Variants in PCDHA4 observed in about 807,000 individuals in gnomAD.
The protein encoded by PCDHA4 is protocadherin alpha-4.
A neutral mutation model predicts 61.4 loss-of-function variants in PCDHA4; 49 were observed. That is an observed-to-expected ratio of 0.80 (90% CI 0.63 to 1.01). PCDHA4 has a LOEUF of 1.01. Among genes scored for constraint, PCDHA4 ranks in the 50% least tolerant of loss-of-function variants. PCDHA4 has a pLI of 0.00. For synonymous variants in PCDHA4, 590 were observed against 550.3 expected, an observed-to-expected ratio of 1.07 and a Z score of -1.01; for missense variants, 1,254 against 1,235.8, an observed-to-expected ratio of 1.01 and a Z score of -0.22.
chr5:140,921,706 T>C (rs2080341352), intron 1 of PCDHA4, among the ~76,000 whole-genome samples: 1 of 152,148 alleles, frequency 6.6e-6, no homozygotes, highest in Non-Finnish European at 1.5e-5. Flanking sequence ...TTTTAAACAG[T>C]AAACACACGA....
intron 1 of PCDHA4, chr5:140,830,257 G>C: frequency 6.2e-7 from 1 of 1,613,692 alleles, no homozygotes; most frequent in Non-Finnish European, 8.5e-7. Context: ...CAGCGCTGCG[G>C]TGCTCGGCGC....
At chr5:140,858,899 C>T (rs1236968449) in intron 1 of PCDHA4, 4 of 203,942 alleles carry the variant, frequency 2.0e-5, no homozygotes, top group Non-Finnish European at 3.0e-5. Flanking sequence ...ATATGTGTAG[C>T]GTACCACAGC....
chr5:141,002,261 C>A (rs373363788), intron 3 of PCDHA4, among the ~76,000 whole-genome samples: 1 of 152,224 alleles, frequency 6.6e-6, no homozygotes, highest in East Asian at 1.9e-4. Context: ...CACTGAAATC[C>A]CAGAGCTGGT....
chr5:140,882,853 A>G lies in PCDHA4; in HGVS notation c.2385+73281A>G, dbSNP rs782160647. On this transcript the variant is annotated intron_variant, in intron 1 of 3. Transcript: ENST00000530339. ...AGCAAATGTCTTCATTATCACTTGTACTGAGGAAAACACTGGACAGAGAGG... is the reference window on the plus strand; with the variant it reads ...AGCAAATGTCTTCATTATCACTTGTGCTGAGGAAAACACTGGACAGAGAGG... 1.9e-6 allele frequency: 3 copies of G among 1,614,218 alleles called. No individual in the cohort carries two copies. The Admixed American group carries it at 5.0e-5, about 27-fold the overall frequency.
In PCDHA4 at chr5:140,842,325, C is replaced by G. The variant is rs2150334161; in HGVS notation, c.2385+32753C>G. On this transcript the variant is annotated intron_variant, in intron 1 of 3. Coordinates refer to ENST00000530339, the MANE Select transcript of PCDHA4 (RefSeq NM_018907.4). ...CATCCTCCCATGGCGGGTCATTGCA[C>G]CGTTTTAGTGAGAATTTTGGATAAA... 1.9e-5 allele frequency: 31 copies of G among 1,606,978 alleles called. No individual in the cohort carries two copies. In the South Asian group the frequency reaches 3.1e-4, roughly 16 times the overall value.
chr5:140,884,265 T>A, intron 1 of PCDHA4: 1 of 1,613,432 alleles, frequency 6.2e-7, no homozygotes, highest in Middle Eastern at 1.6e-4. Context: ...GCAACGGTGC[T>A]GTTGTCGCTG....
intron 3 of PCDHA4, among the ~76,000 whole-genome samples, chr5:140,997,525 A>G (rs1293979369): frequency 6.6e-6 from 1 of 152,242 alleles, no homozygotes; most frequent in African/African-American, 2.4e-5. Flanking sequence ...AAAAAGTACA[A>G]TAAAAATACA....
At chr5:140,862,912 C>T (rs1554157229) in intron 1 of PCDHA4, 1 of 550,038 alleles carries the variant, frequency 1.8e-6, no homozygotes, top group Non-Finnish European at 3.5e-6. Flanking sequence ...GCTGCTGGCG[C>T]CTTGGGTGGG....
intron 1 of PCDHA4, among the ~76,000 whole-genome samples, chr5:140,965,140 TG>T (rs1191631396): frequency 2.0e-5 from 3 of 152,150 alleles, no homozygotes; most frequent in Non-Finnish European, 4.4e-5. Flanking sequence ...GACAGAATAC[TG>T]GGAGATGAAG....
intron 1 of PCDHA4, chr5:140,814,416 CT>C (rs1765510586): frequency 6.6e-6 from 1 of 150,478 alleles, no homozygotes; most frequent in Non-Finnish European, 1.5e-5. Context: ...TCCCAAAAGA[CT>C]TTCCTGAGGC....
rs2150235707 is a variant in PCDHA4 at position 140,835,435 on chromosome 5, C to T, written c.2385+25863C>T. 9.9e-6 allele frequency: 16 copies of T among 1,613,906 alleles called. 1 individual carries two copies. The highest frequency in any genetic ancestry group is 3.3e-5 in the Admixed American group (2 of 60,014). On this transcript the variant is annotated intron_variant, in intron 1 of 3. Coordinates refer to ENST00000530339, the MANE Select transcript of PCDHA4 (RefSeq NM_018907.4). ...GTAAATGACAATGCTCCACAGTTGA[C>T]TCTCACTTCCCTGTCTCTCCCTATT...
intron 1 of PCDHA4, chr5:140,856,511 G>A (rs1554148790): frequency 6.3e-7 from 1 of 1,598,478 alleles, no homozygotes; most frequent in Non-Finnish European, 8.6e-7. Context: ...TCCACTAGAA[G>A]GCGCATCTGA....
intron 1 of PCDHA4, chr5:140,812,147 T>TTTGTTGTTGTTGTTGTTGTTG (rs2126635624): frequency 1.4e-4 from 21 of 150,790 alleles, no homozygotes; most frequent in East Asian, 3.9e-4. Flanking sequence ...GTTTTGGGCT[T>TTTGTTGTTGTTGTTGTTGTTG]TTGTTGTTGT....
chr5:140,848,447 C>G, intron 1 of PCDHA4: 1 of 1,507,352 alleles, frequency 6.6e-7, no homozygotes, highest in East Asian at 2.3e-5. Flanking sequence ...ATGATTTCTT[C>G]TAATTTGGAG....
chr5:140,937,213 A>AT (rs1339770312), intron 1 of PCDHA4, among the ~76,000 whole-genome samples: 2 of 151,454 alleles, frequency 1.3e-5, no homozygotes, highest in Admixed American at 1.3e-4. Flanking sequence ...AATTTTTTGT[A>AT]TTTTTTGTAG....
intron 1 of PCDHA4, among the ~76,000 whole-genome samples, chr5:140,921,467 A>G (rs1287124986): frequency 1.3e-5 from 2 of 152,204 alleles, no homozygotes; most frequent in East Asian, 1.9e-4. Flanking sequence ...TGCAACCACT[A>G]CCAAACCACT....
At position 140,833,643 on chromosome 5, in the gene PCDHA4, C is replaced by T. The variant is rs2150210110; in HGVS notation, c.2385+24071C>T. On this transcript the variant is annotated intron_variant, in intron 1 of 3. Coordinates refer to ENST00000530339, the MANE Select transcript of PCDHA4 (RefSeq NM_018907.4). Reference sequence around the variant, plus strand: ...GAATACTTCCTCCTCAAAAAGTTCACATGATACAAATTCTTCCCCTTCAAA... The same window carrying T: ...GAATACTTCCTCCTCAAAAAGTTCATATGATACAAATTCTTCCCCTTCAAA... Among the ~76,000 whole-genome samples the T allele has an allele frequency of 6.6e-5, 10 of 152,284 alleles. No homozygotes were observed. The East Asian group carries it at 1.4e-3, about 21-fold the overall frequency.
intron 1 of PCDHA4, chr5:140,836,852 A>AT (rs1364228516): frequency 6.2e-6 from 5 of 810,820 alleles, no homozygotes; most frequent in Non-Finnish European, 9.4e-6. Context: ...TATAATTATT[A>AT]TTTTTTAATG....
At chr5:140,829,509 A>G in intron 1 of PCDHA4, 1 of 1,613,556 alleles carries the variant, frequency 6.2e-7, no homozygotes, top group Non-Finnish European at 8.5e-7. Flanking sequence ...CCGGGCTGCC[A>G]CATCTTCACG....
Sources: allele counts gnomAD v4.1 joint callset (sites outside exome capture counted in the v4.1 genomes callset), GRCh38; gene constraint gnomAD v4.1.1; transcripts MANE v1.5; gene names NCBI Gene and HGNC (gene_info 2026-07-23, HGNC 2026-07-21).